The following MAP7D2 variants were observed in gnomAD, a reference collection of about 807,000 sequenced individuals.
The protein encoded by MAP7D2 is MAP7 domain containing 2, also known as MAP7 domain-containing protein 2.
Under a neutral mutation model 63.5 loss-of-function variants are expected in MAP7D2, and 33 were observed. The observed-to-expected ratio is 0.52, with a 90% confidence interval of 0.39 to 0.70. The LOEUF is 0.70. Among genes scored for constraint, MAP7D2 ranks in the 30% least tolerant of loss-of-function variants. The probability of loss-of-function intolerance (pLI) is 0.00; values close to 1 mark genes in which losing one functional copy is unlikely to be tolerated. For missense variants in MAP7D2, 626 were observed against 604.0 expected (o/e 1.04, Z -0.38); for synonymous variants, 224 against 223.7 (o/e 1.00, Z -0.01).
chrX:20,112,548 G>A (rs944060561), intron 1 of MAP7D2, among the ~76,000 whole-genome samples: 6 of 111,269 alleles, frequency 5.4e-5, no homozygotes, highest in African/African-American at 9.8e-5. Flanking sequence ...ATGCCAAGAC[G>A]GTAAACTCCA....
At chrX:20,110,703 T>C (rs1180279835) in intron 1 of MAP7D2, among the ~76,000 whole-genome samples, 1 of 105,565 alleles carries the variant, frequency 9.5e-6, no homozygotes, top group Non-Finnish European at 1.9e-5. Context: ...AGGATGTGCA[T>C]AGGTTACACG....
At chrX:20,060,430 GAGAGAAAGAA>G (rs1314183923) in intron 3 of MAP7D2, among the ~76,000 whole-genome samples, 70 of 58,864 alleles carry the variant, frequency 1.2e-3, no homozygotes, top group East Asian at 6.0e-3. Context: ...GAGAGAGAGA[GAGAGAAAGAA>G]AGAAAGAAAG....
chrX:20,018,185 C>G (rs2073482328), intron 10 of MAP7D2, among the ~76,000 whole-genome samples: 1 of 110,088 alleles, frequency 9.1e-6, no homozygotes, highest in South Asian at 3.9e-4. Context: ...AGGCTGGTCT[C>G]AAACTCCTGA....
chrX:20,017,526 T>C (rs979674377), intron 10 of MAP7D2, among the ~76,000 whole-genome samples: 2 of 112,606 alleles, frequency 1.8e-5, no homozygotes, highest in African/African-American at 6.5e-5. Context: ...AAAGGAAATA[T>C]TTTGTTTATT....
At chrX:20,020,771 T>C (rs1399119137) in intron 10 of MAP7D2, among the ~76,000 whole-genome samples, 1 of 112,312 alleles carries the variant, frequency 8.9e-6, no homozygotes, top group African/African-American at 3.2e-5. Flanking sequence ...GTTCCTGGCC[T>C]GGGCTAACTC....
rs750826386 is a variant in MAP7D2, at chrX:20,088,421, G to A, written c.131-23616C>T. On this transcript the variant is annotated intron_variant, in intron 1 of 16. Coordinates refer to ENST00000379643, the MANE Select transcript of MAP7D2 (RefSeq NM_001168465.2). ...GGGATCCTACTGGCTCAGCCTCCCT[G>A]GTAACTGGGACTACAGGTGTACCCC... Among the ~76,000 whole-genome samples, 19 of 99,188 alleles carry A rather than the reference G, an allele frequency of 1.9e-4. No individual in the cohort carries two copies. In the Admixed American group the frequency reaches 2.1e-3, roughly 11 times the overall value. 86.1% of individuals were successfully genotyped at this position (99,188 alleles called of 115,157 possible).
At chrX:20,069,851 G>A (rs1044111438) in intron 1 of MAP7D2, among the ~76,000 whole-genome samples, 1 of 104,857 alleles carries the variant, frequency 9.5e-6, no homozygotes, top group Non-Finnish European at 1.9e-5. Flanking sequence ...TCAGCTCACT[G>A]CAGCCTCGAA....
intron 8 of MAP7D2, among the ~76,000 whole-genome samples, chrX:20,031,122 C>T (rs2074034420): frequency 9.1e-6 from 1 of 109,560 alleles, no homozygotes; most frequent in Admixed American, 9.8e-5. Context: ...AACCCCGTCT[C>T]TACTAAAAAT....
At chrX:20,013,430 A>T in intron 13 of MAP7D2, 139 bp downstream of exon 13, 1 of 559,857 alleles carries the variant, frequency 1.8e-6, no homozygotes. Context: ...AACCCTCCTT[A>T]ACCTAGCCAG....
chrX:20,026,558 C>T (rs920887696), intron 8 of MAP7D2, among the ~76,000 whole-genome samples: 5 of 111,890 alleles, frequency 4.5e-5, no homozygotes, highest in Admixed American at 9.5e-5. Context: ...CAAGGTTCCC[C>T]ATTTCTTTTT....
At position 20,025,983 on chromosome X, in the gene MAP7D2, T is replaced by C. The variant is rs779494114; in HGVS notation, c.1008-31A>G. 4.1e-5 allele frequency: 49 copies of C among 1,191,566 alleles called. No homozygotes were observed. The South Asian group carries it at 8.4e-4, about 20-fold the overall frequency. ...AAACAAAAAATATGCCAGAGGATGATTACTGGGCCTGAACACAGAGCTCTC... is the reference window on the plus strand; with the variant it reads ...AAACAAAAAATATGCCAGAGGATGACTACTGGGCCTGAACACAGAGCTCTC... On this transcript the variant is annotated intron_variant, in intron 8 of 16. Coordinates refer to ENST00000379643, the MANE Select transcript of MAP7D2 (RefSeq NM_001168465.2).
chrX:20,049,458 G>C (rs769128159), intron 6 of MAP7D2, among the ~76,000 whole-genome samples: 67 of 109,253 alleles, frequency 6.1e-4, no homozygotes, highest in Middle Eastern at 4.7e-3. Context: ...TTTTAGTAGA[G>C]ATGGGGTTTC....
chrX:20,044,324 C>T (rs2064737647), intron 7 of MAP7D2, 40 bp downstream of exon 7: 2 of 1,177,244 alleles, frequency 1.7e-6, no homozygotes, highest in Non-Finnish European at 2.3e-6. Context: ...AGACAGAACA[C>T]AGTCTAGAGG....
chrX:20,102,840 C>A (rs2066472624), intron 1 of MAP7D2, among the ~76,000 whole-genome samples: 1 of 110,453 alleles, frequency 9.1e-6, no homozygotes, highest in Non-Finnish European at 1.9e-5. Context: ...TAGATAGCAG[C>A]CATATGCTTC....
Position 20,016,418 on chromosome X carries a change from A to G in MAP7D2, c.1413-93T>C, listed in dbSNP as rs1603350823. 9.8e-6 allele frequency: 7 copies of G among 712,205 alleles called. No homozygotes were observed. In the East Asian group the frequency reaches 1.9e-4, roughly 19 times the overall value. The allele number at this position is 712,205 out of a possible 1,213,427, so 58.7% of individuals were successfully genotyped here. On this transcript the variant is annotated intron_variant, in intron 10 of 16. Coordinates refer to ENST00000379643, the MANE Select transcript of MAP7D2 (RefSeq NM_001168465.2). The stretch of plus-strand genomic sequence containing the variant: ...CTGACAGCCGAGAATAATGCTCCAC[A>G]TGGTAACACACACACATACCTTTCA...
At chrX:20,020,571 A>G (rs2073600644) in intron 10 of MAP7D2, among the ~76,000 whole-genome samples, 1 of 111,651 alleles carries the variant, frequency 9.0e-6, no homozygotes, top group Non-Finnish European at 1.9e-5. Context: ...CCTGTGCTAC[A>G]TAAGGCTGCA....
chrX:20,045,736 GACAAAAGGGTGGAGA>G (rs1569519696), intron 6 of MAP7D2, among the ~76,000 whole-genome samples: 1 of 110,161 alleles, frequency 9.1e-6, no homozygotes, highest in East Asian at 2.8e-4. Flanking sequence ...TTGGGAAAAG[GACAAAAGGGTGGAGA>G]ACAAACTTGT....
At chrX:20,036,531 C>A (rs1482722873) in intron 8 of MAP7D2, among the ~76,000 whole-genome samples, 1 of 107,051 alleles carries the variant, frequency 9.3e-6, no homozygotes, top group African/African-American at 3.4e-5. Context: ...TGTGAGCCAC[C>A]GCGCCTGGCC....
chrX:20,077,181 A>G (rs1278282823), intron 1 of MAP7D2, among the ~76,000 whole-genome samples: 1 of 111,929 alleles, frequency 8.9e-6, no homozygotes, highest in African/African-American at 3.3e-5. Flanking sequence ...CTAGCCGCGC[A>G]CAGTGACTCA....
Sources: allele counts gnomAD v4.1 joint callset (sites outside exome capture counted in the v4.1 genomes callset), GRCh38; gene constraint gnomAD v4.1.1; transcripts MANE v1.5; gene names NCBI Gene and HGNC (gene_info 2026-07-23, HGNC 2026-07-21).